ATP8A2: variants seen among roughly 807,000 people sequenced by gnomAD.
The protein encoded by ATP8A2 is ATPase phospholipid transporting 8A2.
A neutral mutation model predicts 165.6 loss-of-function variants in ATP8A2; 100 were observed. That is an observed-to-expected ratio of 0.60 (90% CI 0.51 to 0.71). The LOEUF (loss-of-function observed/expected upper bound fraction) is 0.71. ATP8A2 is among the 30% of genes least tolerant of loss of function. ATP8A2 has a pLI of 0.00. For synonymous variants in ATP8A2, 543 were observed against 548.8 expected (o/e 0.99, Z 0.15); for missense variants, 1,227 against 1,479.5 (o/e 0.83, Z 2.80).
intron 30 of ATP8A2, among the ~76,000 whole-genome samples, chr13:25,846,878 G>A (rs1402666868): frequency 1.3e-5 from 2 of 152,064 alleles, no homozygotes; most frequent in Admixed American, 6.5e-5. Flanking sequence ...TCCTAAACCC[G>A]CCAGGAGAAT....
intron 24 of ATP8A2, among the ~76,000 whole-genome samples, chr13:25,656,292 T>C (rs2041925619): frequency 6.6e-6 from 1 of 152,070 alleles, no homozygotes; most frequent in African/African-American, 2.4e-5. Context: ...TTTTTGTTTT[T>C]TGAAATGGAG....
intron 33 of ATP8A2, among the ~76,000 whole-genome samples, chr13:25,960,252 C>T (rs930182629): frequency 2.6e-5 from 4 of 152,146 alleles, no homozygotes; most frequent in Admixed American, 2.0e-4. Context: ...ATTTGGCCGT[C>T]CAGCTGGAGC....
At chr13:25,567,454 C>A (rs1036746271) in intron 16 of ATP8A2, 7 of 452,636 alleles carry the variant, frequency 1.5e-5, no homozygotes, top group Non-Finnish European at 4.4e-6. Context: ...CCCTCCTGAG[C>A]CAAATTTCTT....
chr13:25,392,699 C>G (rs1030471789), intron 1 of ATP8A2, among the ~76,000 whole-genome samples: 2 of 152,134 alleles, frequency 1.3e-5, no homozygotes, highest in African/African-American at 4.8e-5. Flanking sequence ...TAACTTTGAA[C>G]TTCAGAGCAG....
chr13:25,719,740 A>G (rs540910441), intron 25 of ATP8A2, among the ~76,000 whole-genome samples: 3 of 152,342 alleles, frequency 2.0e-5, no homozygotes, highest in Non-Finnish European at 2.9e-5. Context: ...AGAATCACTT[A>G]TGTAAGACTT....
At chr13:25,423,813 C>A (rs953475599) in intron 1 of ATP8A2, among the ~76,000 whole-genome samples, 2 of 152,146 alleles carry the variant, frequency 1.3e-5, no homozygotes, top group African/African-American at 2.4e-5. Flanking sequence ...GACTAGTAAG[C>A]GCTTGGGATT....
chr13:25,822,842 A>G (rs950894618), intron 27 of ATP8A2, among the ~76,000 whole-genome samples: 2 of 152,160 alleles, frequency 1.3e-5, no homozygotes, highest in Non-Finnish European at 2.9e-5. Context: ...TTTTCTTCCA[A>G]TGCTTTCAGA....
At position 25,450,625 on chromosome 13, in the gene ATP8A2, G is replaced by A. The variant is rs549862928; in HGVS notation, c.77-18352G>A. ...CGGCTCACTGCAAGCTCCGCCTCCC[G>A]GGTTCACGCCATTCTCCTGCTTCAG... On this transcript the variant is annotated intron_variant, in intron 1 of 36. Coordinates refer to ENST00000381655, the MANE Select transcript of ATP8A2 (RefSeq NM_016529.6). Among the ~76,000 whole-genome samples, 12 of 152,086 alleles carry A rather than the reference G, an allele frequency of 7.9e-5. No individual in the cohort carries two copies. The South Asian group carries it at 1.5e-3, about 18-fold the overall frequency.
chr13:25,956,371 C>T (rs948196473), intron 33 of ATP8A2, among the ~76,000 whole-genome samples: 1 of 152,208 alleles, frequency 6.6e-6, no homozygotes, highest in Admixed American at 6.5e-5. Context: ...TTAGAAAACC[C>T]CATCATCTCA....
chr13:25,818,689 G>C (rs1032421373), intron 27 of ATP8A2, among the ~76,000 whole-genome samples: 1 of 152,218 alleles, frequency 6.6e-6, no homozygotes, highest in Non-Finnish European at 1.5e-5. Flanking sequence ...CTGTTCTGCA[G>C]TGTGTGGTTT....
chr13:25,452,805 C>T (rs1305175494), intron 1 of ATP8A2, among the ~76,000 whole-genome samples: 1 of 151,914 alleles, frequency 6.6e-6, no homozygotes, highest in African/African-American at 2.4e-5. Context: ...TTAAAAATAA[C>T]TTAGGGTAGG....
At chr13:25,415,441 T>C (rs532611541) in intron 1 of ATP8A2, among the ~76,000 whole-genome samples, 2 of 152,372 alleles carry the variant, frequency 1.3e-5, no homozygotes, top group South Asian at 4.1e-4. Context: ...TCTACCCTGC[T>C]CCCTTCCTCA....
intron 1 of ATP8A2, among the ~76,000 whole-genome samples, chr13:25,463,142 T>TTTTG (rs1566151015): frequency 1.3e-5 from 2 of 150,754 alleles, no homozygotes; most frequent in Admixed American, 6.6e-5. Flanking sequence ...TTTTTTTTTT[T>TTTTG]TGAGATAATG....
intron 24 of ATP8A2, among the ~76,000 whole-genome samples, chr13:25,608,529 A>G (rs963353165): frequency 1.3e-5 from 2 of 152,170 alleles, no homozygotes; most frequent in African/African-American, 4.8e-5. Context: ...GAAACGTCTA[A>G]GGTGCTAAGT....
chr13:25,584,611 C>T (rs1169634622), intron 23 of ATP8A2, among the ~76,000 whole-genome samples: 1 of 152,116 alleles, frequency 6.6e-6, no homozygotes, highest in Non-Finnish European at 1.5e-5. Flanking sequence ...TCTTATAGCT[C>T]GAGGAGGAAA....
At chr13:25,439,153 G>A (rs546538018) in intron 1 of ATP8A2, among the ~76,000 whole-genome samples, 8 of 152,172 alleles carry the variant, frequency 5.3e-5, no homozygotes, top group South Asian at 2.1e-4. Context: ...TGAAGAAAAC[G>A]TAGCGACAGC....
chr13:25,414,950 T>G (rs952757160), intron 1 of ATP8A2, among the ~76,000 whole-genome samples: 2 of 152,108 alleles, frequency 1.3e-5, no homozygotes, highest in African/African-American at 2.4e-5. Context: ...GGGTAAATAC[T>G]TTACCAGGGG....
At chr13:25,567,207 G>A (rs1425542880) in intron 16 of ATP8A2, 3 of 396,946 alleles carry the variant, frequency 7.6e-6, no homozygotes, top group African/African-American at 6.3e-5. Flanking sequence ...TTGGGTCCCT[G>A]TGACGTTTTG....
intron 24 of ATP8A2, among the ~76,000 whole-genome samples, chr13:25,595,059 A>G (rs979523518): frequency 6.6e-6 from 1 of 150,956 alleles, no homozygotes; most frequent in African/African-American, 2.4e-5. Flanking sequence ...AATACTACTC[A>G]GCCATAAAAA....
Sources: gnomAD v4.1 joint callset for allele counts (sites outside exome capture counted in the v4.1 genomes callset) on GRCh38, gnomAD v4.1.1 for gene constraint, MANE v1.5 for transcripts, NCBI Gene and HGNC (gene_info 2026-07-23, HGNC 2026-07-21) for gene names.